The following COL28A1 variants were observed in gnomAD, a reference collection of about 807,000 sequenced individuals.
The protein encoded by COL28A1 is collagen alpha-1(XXVIII) chain.
A neutral mutation model predicts 150.2 loss-of-function variants in COL28A1; 161 were observed. The ratio of observed to expected loss-of-function variants is 1.07; its 90% CI spans 0.94 to 1.22. The LOEUF (loss-of-function observed/expected upper bound fraction) is 1.22. COL28A1 is among the 50% of genes most tolerant of loss of function. The pLI is 0.00. For missense variants in COL28A1, 1,617 were observed against 1,388.3 expected, an observed-to-expected ratio of 1.16 and a Z score of -2.62; for synonymous variants, 552 against 469.7, an observed-to-expected ratio of 1.18 and a Z score of -2.26.
intron 8 of COL28A1, among the ~76,000 whole-genome samples, chr7:7,512,089 T>G (rs536493197): frequency 6.6e-6 from 1 of 152,154 alleles, no homozygotes; most frequent in African/African-American, 2.4e-5. Context: ...CTGGAAGACA[T>G]TATGTTTAGT....
chr7:7,347,509 C>T, the COL28A1 span, among the ~76,000 whole-genome samples: 1 of 152,098 alleles, frequency 6.6e-6, no homozygotes, highest in Admixed American at 6.6e-5. Context: ...CTCCTTTTTG[C>T]ACCAGCATTT....
chr7:7,344,713 G>A, the COL28A1 span, among the ~76,000 whole-genome samples: 2 of 151,952 alleles, frequency 1.3e-5, no homozygotes, highest in Non-Finnish European at 2.9e-5. Flanking sequence ...CTAGGGATGA[G>A]GCTAAACATC....
At chr7:7,387,033 C>T (rs532119924) in intron 27 of COL28A1, among the ~76,000 whole-genome samples, 26 of 152,152 alleles carry the variant, frequency 1.7e-4, no homozygotes, top group Non-Finnish European at 3.2e-4. Flanking sequence ...GGGTGCTAAT[C>T]CCATTCCTGA....
At chr7:7,526,111 G>C (rs1393985110) in intron 3 of COL28A1, among the ~76,000 whole-genome samples, 2 of 152,210 alleles carry the variant, frequency 1.3e-5, no homozygotes, top group Non-Finnish European at 2.9e-5. Flanking sequence ...AGAACATTTG[G>C]TTATGCCTAC....
At chr7:7,542,226 T>A in the COL28A1 span, among the ~76,000 whole-genome samples, 5 of 152,188 alleles carry the variant, frequency 3.3e-5, no homozygotes, top group Non-Finnish European at 4.4e-5. Context: ...TGCATGCCTG[T>A]AATCCCAGCC....
At chr7:7,401,262 G>A (rs1303953428) in intron 27 of COL28A1, among the ~76,000 whole-genome samples, 1 of 151,990 alleles carries the variant, frequency 6.6e-6, no homozygotes, top group African/African-American at 2.4e-5. Context: ...CCAGGGCCCA[G>A]TCCTTGGATT....
intron 25 of COL28A1, chr7:7,431,414 C>T (rs894941059): frequency 2.4e-6 from 1 of 408,784 alleles, no homozygotes; most frequent in African/African-American, 2.1e-5. Context: ...GTGATACACG[C>T]TACATGGAAA....
intron 32 of COL28A1, among the ~76,000 whole-genome samples, 180 bp downstream of exon 32, chr7:7,372,818 C>T (rs1781305174): frequency 6.6e-6 from 1 of 152,266 alleles, no homozygotes; most frequent in Admixed American, 6.5e-5. Context: ...AGGGATTGTA[C>T]CCTCCAAACT....
chr7:7,398,012 T>C (rs150709423), intron 27 of COL28A1, among the ~76,000 whole-genome samples: 165 of 152,358 alleles, frequency 1.1e-3, no homozygotes, highest in African/African-American at 3.8e-3. Context: ...AATTGGACCT[T>C]TGACCAATCT....
intron 25 of COL28A1, among the ~76,000 whole-genome samples, chr7:7,424,163 G>C (rs1255988906): frequency 6.6e-6 from 1 of 152,178 alleles, no homozygotes; most frequent in Non-Finnish European, 1.5e-5. Context: ...GCAGATATTA[G>C]AATTGGTCTG....
intron 25 of COL28A1, among the ~76,000 whole-genome samples, chr7:7,421,378 A>G (rs1345404331): frequency 6.6e-6 from 1 of 152,230 alleles, no homozygotes; most frequent in Non-Finnish European, 1.5e-5. Context: ...ATTTATGGTG[A>G]TGGCTGTATA....
intron 12 of COL28A1, 52 bp from the exon 13 acceptor site, chr7:7,489,509 A>T (rs1332696558): frequency 1.1e-6 from 1 of 885,208 alleles, no homozygotes; most frequent in Non-Finnish European, 1.9e-6. Context: ...ATAAAGAATA[A>T]ACATAGCGCA....
chr7:7,514,911 AAGG>A (rs1369375122), intron 8 of COL28A1, among the ~76,000 whole-genome samples: 1 of 152,156 alleles, frequency 6.6e-6, no homozygotes, highest in African/African-American at 2.4e-5. Context: ...TGGATATGGA[AAGG>A]AGGTTTTTGT....
chr7:7,489,007 G>A (rs867427339), intron 13 of COL28A1, among the ~76,000 whole-genome samples: 7 of 152,120 alleles, frequency 4.6e-5, no homozygotes, highest in East Asian at 1.9e-4. Flanking sequence ...TTTGTTGCTC[G>A]TAAAGATGCA....
chr7:7,442,490 C>G (rs1305785192), intron 20 of COL28A1, among the ~76,000 whole-genome samples: 1 of 152,110 alleles, frequency 6.6e-6, no homozygotes, highest in Non-Finnish European at 1.5e-5. Context: ...ATCCCCTCCA[C>G]CTCACCCAAA....
At chr7:7,417,768 C>G in intron 27 of COL28A1, 91 bp downstream of exon 27, 1 of 1,042,630 alleles carries the variant, frequency 9.6e-7, no homozygotes, top group Admixed American at 1.8e-5. Flanking sequence ...AAATCTATTT[C>G]ATAATAGCCA....
chr7:7,428,714 C>G (rs889925899), intron 25 of COL28A1, among the ~76,000 whole-genome samples: 6 of 152,214 alleles, frequency 3.9e-5, no homozygotes, highest in African/African-American at 1.4e-4. Flanking sequence ...TGGATGAGCA[C>G]TTCCCACTTA....
rs1284367645 is a variant in COL28A1 at position 7,380,655 on chromosome 7, C to T, written c.2322+5G>A. On this transcript the variant is annotated splice_donor_5th_base_variant and intron_variant, in intron 30 of 34. Transcript: ENST00000399429. Reference sequence around the variant, plus strand: ...CCTCAATTACCCTCTAGAATGGATACTCACTGTAAGTCCTAGGTCTCCTTT... The same window carrying T: ...CCTCAATTACCCTCTAGAATGGATATTCACTGTAAGTCCTAGGTCTCCTTT... 4 of 1,612,704 alleles carry T rather than the reference C, an allele frequency of 2.5e-6. No homozygotes were observed. Among genetic ancestry groups the T allele is most frequent in the East Asian group, 2.2e-5 (1 of 44,862 alleles).
chr7:7,420,929 G>C (rs1784364032), intron 25 of COL28A1, among the ~76,000 whole-genome samples: 1 of 152,238 alleles, frequency 6.6e-6, no homozygotes, highest in South Asian at 2.1e-4. Flanking sequence ...TTGGAAAACA[G>C]TTTGGTGGTT....
Sources: gnomAD v4.1 joint callset for allele counts (sites outside exome capture counted in the v4.1 genomes callset) on GRCh38, gnomAD v4.1.1 for gene constraint, MANE v1.5 for transcripts, NCBI Gene and HGNC (gene_info 2026-07-23, HGNC 2026-07-21) for gene names.